The following MAP3K4 variants were observed in gnomAD, a reference collection of about 807,000 sequenced individuals.
The protein encoded by MAP3K4 is MAP three kinase 1.
Under a neutral mutation model 185.6 loss-of-function variants are expected in MAP3K4, and 67 were observed. The observed-to-expected ratio is 0.36, with a 90% confidence interval of 0.30 to 0.44. MAP3K4 has a LOEUF of 0.44. MAP3K4 is among the 20% of genes least tolerant of loss of function. The probability of loss-of-function intolerance (pLI) is 1.00; values close to 1 mark genes in which losing one functional copy is unlikely to be tolerated. For missense variants in MAP3K4, 1,551 were observed against 1,995.1 expected (o/e 0.78, Z 4.24); for synonymous variants, 702 against 710.4 (o/e 0.99, Z 0.19).
chr6:161,115,694 A>G lies in MAP3K4; in HGVS notation c.4806+392A>G, dbSNP rs763723893. On this transcript the variant is annotated intron_variant, in intron 26 of 26. Transcript: ENST00000392142. The surrounding 1 kb of genome is among the most constrained non-coding windows in gnomAD (Gnocchi z 6.0). ...AAGAGGAATTTAATTAAGTCAGCCA[A>G]TCTCAGTTCTTTTTTCTCTAGAATG... 6.6e-6 allele frequency among the ~76,000 whole-genome samples: 1 copy of G among 152,176 alleles called. No homozygotes were observed. The highest frequency in any genetic ancestry group is 2.1e-4 in the South Asian group (1 of 4,834).
rs947589560 is a variant in MAP3K4, at chr6:161,114,017, G to A, written c.4627-1106G>A. 4.6e-5 allele frequency among the ~76,000 whole-genome samples: 7 copies of A among 151,766 alleles called. No homozygotes were observed. The highest frequency in any genetic ancestry group is 1.2e-4 in the African/African-American group (5 of 41,316). On this transcript the variant is annotated intron_variant, in intron 25 of 26. Coordinates refer to ENST00000392142, the MANE Select transcript of MAP3K4 (RefSeq NM_005922.4). This position sits in a 1 kb window ranked among gnomAD's most constrained non-coding sequence, Gnocchi z 4.3. ...TCACTGTGTTGGCCAGGCTGGTCTC[G>A]AACTCCTGACCTCATGATCCGCCTG...
chr6:161,000,846 C>T (rs115082825), intron 1 of MAP3K4, among the ~76,000 whole-genome samples: 54 of 143,848 alleles, frequency 3.8e-4, no homozygotes, highest in Middle Eastern at 3.6e-3. Context: ...CACATGTGTA[C>T]GCACATATAC....
rs148494924 is a variant in MAP3K4, at chr6:161,058,757, G to GATATAT, written c.1707+8792_1707+8797dup. On this transcript the variant is annotated intron_variant, in intron 3 of 26. Transcript: ENST00000392142. ...TGTCTACTTTGGATCTGTCCTTGTAGATATATATATATATATATAGCTCTC... is the reference window on the plus strand; with the variant it reads ...TGTCTACTTTGGATCTGTCCTTGTAGATATATATATATATATATATATATAGCTCTC... Among the ~76,000 whole-genome samples, 69 of 146,370 alleles carry GATATAT rather than the reference G, an allele frequency of 4.7e-4. 1 individual carries two copies. Among genetic ancestry groups the GATATAT allele is most frequent in the Admixed American group, 4.5e-3 (66 of 14,668 alleles).
chr6:161,025,423 C>T (rs185332259), intron 1 of MAP3K4, among the ~76,000 whole-genome samples: 9 of 152,290 alleles, frequency 5.9e-5, no homozygotes, highest in South Asian at 2.1e-4. Context: ...GTCCGTTTTC[C>T]GTCACCAAAT....
rs769189459 is a variant in MAP3K4 at position 161,080,859 on chromosome 6, CCTTTA to C, written c.2098-17_2098-13del. On this transcript the variant is annotated splice_polypyrimidine_tract_variant and intron_variant, in intron 5 of 26. Transcript: ENST00000392142. This position sits in a 1 kb window ranked among gnomAD's most constrained non-coding sequence, Gnocchi z 4.8. ...GCCAAGTTCTACTTTCAAATGTCTC[CCTTTA>C]CTTTTTGTGTTTTAAGGTGTATTTT... 6.2e-7 allele frequency: 1 copy of C among 1,610,844 alleles called. No individual in the cohort carries two copies. The highest frequency in any genetic ancestry group is 2.2e-5 in the East Asian group (1 of 44,796).
chr6:161,102,802 T>TAAAAAA (rs397886595), intron 19 of MAP3K4, 23 bp downstream of exon 19: 21 of 604,724 alleles, frequency 3.5e-5, no homozygotes, highest in South Asian at 1.2e-4. Flanking sequence ...GTGTTGAAGT[T>TAAAAAA]AAAAAAAAAA....
intron 7 of MAP3K4, among the ~76,000 whole-genome samples, chr6:161,085,656 CTGGGAAAATATTGAA>C (rs1198903432): frequency 2.6e-5 from 4 of 152,180 alleles, no homozygotes; most frequent in Admixed American, 2.0e-4. Flanking sequence ...GGTTTCTCAC[CTGGGAAAATATTGAA>C]TAGCTGAGAA....
Position 161,051,653 on chromosome 6 carries a change from A to C in MAP3K4, c.1707+1674A>C, listed in dbSNP as rs1784006499. Among the ~76,000 whole-genome samples the C allele has an allele frequency of 6.6e-6, 1 of 152,208 alleles. No individual in the cohort carries two copies. Among genetic ancestry groups the C allele is most frequent in the Non-Finnish European group, 1.5e-5 (1 of 68,042 alleles). On this transcript the variant is annotated intron_variant, in intron 3 of 26. Transcript: ENST00000392142. The surrounding 1 kb of genome is among the most constrained non-coding windows in gnomAD (Gnocchi z 4.2). ...CCAACATCCCTTGGTATCTCATCCC[A>C]GGGGGATTTGTTCCAGGACCCCCAT... is the stretch of plus-strand genomic sequence containing the variant.
intron 2 of MAP3K4, among the ~76,000 whole-genome samples, chr6:161,044,843 AAG>A (rs1231547397): frequency 6.6e-6 from 1 of 152,164 alleles, no homozygotes; most frequent in African/African-American, 2.4e-5. Context: ...GAGAGGGAAC[AAG>A]AGAGAGCTCT....
At position 161,106,710 on chromosome 6, in the gene MAP3K4, G is replaced by C. The variant is rs746546615; in HGVS notation, c.4048+5G>C. ...GGCAAAGAGGAAACAAAATTGGTAAGGAAATTAAGGAGCATGATGTCAAGA... is the reference window on the plus strand; with the variant it reads ...GGCAAAGAGGAAACAAAATTGGTAACGAAATTAAGGAGCATGATGTCAAGA... On this transcript the variant is annotated splice_donor_5th_base_variant and intron_variant, in intron 20 of 26. Coordinates refer to ENST00000392142, the MANE Select transcript of MAP3K4 (RefSeq NM_005922.4). This position sits in a 1 kb window ranked among gnomAD's most constrained non-coding sequence, Gnocchi z 4.9. 6.2e-7 allele frequency: 1 copy of C among 1,603,512 alleles called. No individual in the cohort carries two copies. The highest frequency in any genetic ancestry group is 8.5e-7 in the Non-Finnish European group (1 of 1,174,060).
chr6:161,042,669 A>G (rs529584876), intron 2 of MAP3K4, among the ~76,000 whole-genome samples: 7 of 151,978 alleles, frequency 4.6e-5, no homozygotes, highest in Admixed American at 2.6e-4. Context: ...TTTTTCCTTA[A>G]ATGTTTGTTT....
At chr6:161,019,116 A>T (rs981118279) in intron 1 of MAP3K4, among the ~76,000 whole-genome samples, 26 of 152,296 alleles carry the variant, frequency 1.7e-4, no homozygotes, top group African/African-American at 6.0e-4. Flanking sequence ...AACCGAAAAA[A>T]TTTTTTTAAG....
At position 161,070,743 on chromosome 6, in the gene MAP3K4, G is replaced by T; in HGVS notation, c.1843G>T (p.Ala615Ser). ...CATGGATTTACCTTCATTCGAACCT[G>T]CCTTCCTAGTTCTCTGCCGAGTCCT... ...KAMDLPSFEPAFLVLCRVLLN... is the reference protein window; with the variant it reads ...KAMDLPSFEPSFLVLCRVLLN... Residue 615 changes from alanine to serine, a missense_variant, in exon 4 of 27, where the codon GCC (alanine) becomes TCC (serine). Physicochemically the swap from Ala to Ser is moderately conservative, Grantham distance 99. Around this residue, in one of 16 missense-constraint regions of MAP3K4, gnomAD observed 27 missense variants for 64.4 expected, o/e 0.42. Coordinates refer to ENST00000392142, the MANE Select transcript of MAP3K4 (RefSeq NM_005922.4). This position sits in a 1 kb window ranked among gnomAD's most constrained non-coding sequence, Gnocchi z 4.5. The T allele has an allele frequency of 6.2e-7, 1 of 1,614,174 alleles. No homozygotes were observed. The highest frequency in any genetic ancestry group is 8.5e-7 in the Non-Finnish European group (1 of 1,180,034).
intron 1 of MAP3K4, among the ~76,000 whole-genome samples, chr6:161,014,341 C>A (rs898538603): frequency 6.6e-6 from 1 of 152,148 alleles, no homozygotes; most frequent in Non-Finnish European, 1.5e-5. Flanking sequence ...AATGTAGAAC[C>A]TGTCATAAAA....
At chr6:161,059,734 G>T (rs949801248) in intron 3 of MAP3K4, among the ~76,000 whole-genome samples, 3 of 151,928 alleles carry the variant, frequency 2.0e-5, no homozygotes, top group Non-Finnish European at 4.4e-5. Flanking sequence ...TGTACTCAGA[G>T]ATTATTTTAA....
Position 161,062,406 on chromosome 6 carries a change from T to C in MAP3K4, c.1708-8202T>C, listed in dbSNP as rs548899003. Reference sequence around the variant, plus strand: ...TTCTTCAGGGTTGTGTGTGTGTAGATAGATAAAATATTTATAATAGACATG... The same window carrying C: ...TTCTTCAGGGTTGTGTGTGTGTAGACAGATAAAATATTTATAATAGACATG... On this transcript the variant is annotated intron_variant, in intron 3 of 26. Coordinates refer to ENST00000392142, the MANE Select transcript of MAP3K4 (RefSeq NM_005922.4). Among the ~76,000 whole-genome samples the C allele has an allele frequency of 2.6e-4, 40 of 152,286 alleles. No individual in the cohort carries two copies. In the East Asian group the frequency reaches 7.7e-3, roughly 29 times the overall value.
chr6:161,005,152 T>G (rs1167361397), intron 1 of MAP3K4, among the ~76,000 whole-genome samples: 1 of 151,772 alleles, frequency 6.6e-6, no homozygotes, highest in Non-Finnish European at 1.5e-5. Context: ...TTTTTTTTTT[T>G]TTTTGAGACA....
At chr6:161,092,400 A>AT (rs1777367079) in intron 13 of MAP3K4, among the ~76,000 whole-genome samples, 1 of 152,126 alleles carries the variant, frequency 6.6e-6, no homozygotes, top group African/African-American at 2.4e-5. Context: ...AGTCTTCCTG[A>AT]TGACTAATGT....
rs1317610116 is a variant in MAP3K4 at position 161,093,206 on chromosome 6, ACTC to A, written c.3348+154_3348+156del. ...AATGATAATGCTGAGAAATTAAAGTACTCCTCATAGCAGAGTAAGATTTTTTTT... is the reference window on the plus strand; with the variant it reads ...AATGATAATGCTGAGAAATTAAAGTACTCATAGCAGAGTAAGATTTTTTTT... On this transcript the variant is annotated intron_variant, in intron 14 of 26. Coordinates refer to ENST00000392142, the MANE Select transcript of MAP3K4 (RefSeq NM_005922.4). This position sits in a 1 kb window ranked among gnomAD's most constrained non-coding sequence, Gnocchi z 5.2. The A allele has an allele frequency of 8.5e-6, 5 of 585,892 alleles. No individual in the cohort carries two copies. The highest frequency in any genetic ancestry group is 7.6e-5 in the African/African-American group (4 of 52,314). The allele number at this position is 585,892 out of a possible 1,614,324, so 36.3% of individuals were successfully genotyped here.
Sources: allele counts gnomAD v4.1 joint callset (sites outside exome capture counted in the v4.1 genomes callset), GRCh38; gene constraint gnomAD v4.1.1; regional missense constraint gnomAD v4.1.1; non-coding constraint Gnocchi (gnomAD v3.1); transcripts MANE v1.5; gene names NCBI Gene and HGNC (gene_info 2026-07-23, HGNC 2026-07-21).